The following FAR1 variants were observed in gnomAD, a reference collection of about 807,000 sequenced individuals.
FAR1 encodes the protein fatty acyl-CoA reductase 1.
Under a neutral mutation model 61.1 loss-of-function variants are expected in FAR1, and 22 were observed. The observed-to-expected ratio is 0.36, with a 90% CI of 0.26 to 0.51. The LOEUF (loss-of-function observed/expected upper bound fraction) is 0.51, where lower values mean the gene tolerates loss of function less well. Among genes scored for constraint, FAR1 ranks in the 20% least tolerant of loss-of-function variants. The probability of loss-of-function intolerance (pLI) is 0.95; values close to 1 mark genes in which losing one functional copy is unlikely to be tolerated. For missense variants in FAR1, 359 were observed against 626.9 expected, an observed-to-expected ratio of 0.57 and a Z score of 4.56; for synonymous variants, 206 against 209.7, an observed-to-expected ratio of 0.98 and a Z score of 0.15.
At position 13,729,640 on chromosome 11, in the gene FAR1, G is replaced by C. The variant is rs1243017468; in HGVS notation, c.*866G>C. ...TTTGATGGAAGTGGGAGTTGGGAAG[G>C]ATTCACCATACTTGTGTTCTCCTCC... On this transcript the variant is annotated 3_prime_UTR_variant, in exon 12 of 12. Transcript: ENST00000354817. The C allele has an allele frequency of 2.0e-5, 3 of 151,956 alleles. No homozygotes were observed. Among genetic ancestry groups the C allele is most frequent in the Non-Finnish European group, 4.4e-5 (3 of 67,858 alleles). The allele number at this position is 151,956 out of a possible 1,614,324, so 9.4% of individuals were successfully genotyped here.
chr11:13,721,628 AC>A lies in FAR1; in HGVS notation c.1128-101del. The A allele has an allele frequency of 1.3e-6, 1 of 795,544 alleles. No homozygotes were observed. Among genetic ancestry groups the A allele is most frequent in the Non-Finnish European group, 2.0e-6 (1 of 511,158 alleles). 49.3% of individuals were successfully genotyped at this position (795,544 alleles called of 1,614,324 possible). On this transcript the variant is annotated intron_variant, in intron 9 of 11. Transcript: ENST00000354817. This position sits in a 1 kb window ranked among gnomAD's most constrained non-coding sequence, Gnocchi z 4.2. ...AATGATTAAATGTTATAATTTTAAT[AC>A]TAATGTCTATATTATAGGGGGAAAC...
intron 1 of FAR1, among the ~76,000 whole-genome samples, chr11:13,691,651 T>C (rs2134177659): frequency 6.6e-6 from 1 of 152,338 alleles, no homozygotes; most frequent in South Asian, 2.1e-4. Context: ...TCTGACTTCT[T>C]TCATTTGATA....
At chr11:13,712,842 T>TAA in intron 7 of FAR1, 124 bp from the exon 8 acceptor site, 2 of 576,746 alleles carry the variant, frequency 3.5e-6, no homozygotes, top group Non-Finnish European at 5.9e-6. Context: ...TAAGGATAAT[T>TAA]AAAAAAAAAT....
At chr11:13,669,496 G>GC (rs1360982243) in intron 1 of FAR1, 2 of 152,172 alleles carry the variant, frequency 1.3e-5, no homozygotes, top group African/African-American at 4.8e-5. Context: ...GGACTAGAAG[G>GC]CATTAGTTGG....
chr11:13,708,151 CAGG>C, intron 4 of FAR1, 72 bp downstream of exon 4: 1 of 1,115,374 alleles, frequency 9.0e-7, no homozygotes, highest in Non-Finnish European at 1.2e-6. Context: ...ATCATGAGGT[CAGG>C]AGTTCAAGAG....
chr11:13,715,112 C>T lies in FAR1; in HGVS notation c.1127+432C>T, dbSNP rs74674679. Among the ~76,000 whole-genome samples, 24 of 152,038 alleles carry T rather than the reference C, an allele frequency of 1.6e-4. No individual in the cohort carries two copies. In the East Asian group the frequency reaches 3.1e-3, roughly 20 times the overall value. On this transcript the variant is annotated intron_variant, in intron 9 of 11. Coordinates refer to ENST00000354817, the MANE Select transcript of FAR1 (RefSeq NM_032228.6). ...GCCATAGAGTATCTGCATTATTGCT[C>T]GATTGCACTCATGTTGACAGGTCAG... is the stretch of plus-strand genomic sequence containing the variant.
intron 10 of FAR1, among the ~76,000 whole-genome samples, 187 bp from the exon 11 acceptor site, chr11:13,727,369 A>G (rs1203357586): frequency 6.6e-6 from 1 of 151,882 alleles, no homozygotes; most frequent in Admixed American, 6.6e-5. Flanking sequence ...TCCATGTTTA[A>G]TGGATGGTAT....
At chr11:13,714,911 TCTTA>T (rs2134194359) in intron 9 of FAR1, among the ~76,000 whole-genome samples, 1 of 152,342 alleles carries the variant, frequency 6.6e-6, no homozygotes, top group East Asian at 1.9e-4. Flanking sequence ...GAATTCTAAG[TCTTA>T]CTTTAGGCTT....
intron 3 of FAR1, among the ~76,000 whole-genome samples, chr11:13,705,454 T>C (rs901065254): frequency 6.6e-6 from 1 of 152,150 alleles, no homozygotes; most frequent in African/African-American, 2.4e-5. Context: ...AAATTATCCC[T>C]TATTTTCGGT....
At chr11:13,691,717 G>A (rs1360590288) in intron 1 of FAR1, among the ~76,000 whole-genome samples, 1 of 152,080 alleles carries the variant, frequency 6.6e-6, no homozygotes, top group African/African-American at 2.4e-5. Flanking sequence ...TCTTTTTTAT[G>A]GCTCAGTAGT....
At chr11:13,717,176 C>T (rs1198983541) in intron 9 of FAR1, among the ~76,000 whole-genome samples, 1 of 152,052 alleles carries the variant, frequency 6.6e-6, no homozygotes, top group Admixed American at 6.6e-5. Context: ...TCCCCACCAC[C>T]GCCCCAGATC....
rs1848696585 is a variant in FAR1 at position 13,729,231 on chromosome 11, C to CA, written c.*458dup. 1 of 152,028 alleles carries CA rather than the reference C, an allele frequency of 6.6e-6. No homozygotes were observed. The highest frequency in any genetic ancestry group is 2.4e-5 in the African/African-American group (1 of 41,298). 9.4% of individuals were successfully genotyped at this position (152,028 alleles called of 1,614,324 possible). A position where few individuals can be genotyped will look rare whatever the true frequency, so the allele number is the denominator to read the frequency against. Reference sequence around the variant, plus strand: ...TTGATTCTTCATTTTTTGTTTTTTTCATTAGTTGAAGTGGGTTTTAGTTTT... The same window carrying CA: ...TTGATTCTTCATTTTTTGTTTTTTTCAATTAGTTGAAGTGGGTTTTAGTTTT... On this transcript the variant is annotated 3_prime_UTR_variant, in exon 12 of 12. Coordinates refer to ENST00000354817, the MANE Select transcript of FAR1 (RefSeq NM_032228.6).
At chr11:13,694,511 T>G (rs1443996094) in intron 1 of FAR1, among the ~76,000 whole-genome samples, 1 of 152,168 alleles carries the variant, frequency 6.6e-6, no homozygotes, top group Non-Finnish European at 1.5e-5. Context: ...GAAACTCAAG[T>G]CCAGAGAACG....
intron 11 of FAR1, among the ~76,000 whole-genome samples, chr11:13,728,066 A>G (rs1591274789): frequency 1.3e-5 from 2 of 151,998 alleles, no homozygotes; most frequent in South Asian, 4.1e-4. Context: ...TTGCCGTCCT[A>G]TCTTGCACTG....
Position 13,712,967 on chromosome 11 carries a change from C to G in FAR1, c.889C>G (p.Pro297Ala). 1 of 1,612,194 alleles carries G rather than the reference C, an allele frequency of 6.2e-7. No homozygotes were observed. The highest frequency in any genetic ancestry group is 8.5e-7 in the Non-Finnish European group (1 of 1,178,746). Reference sequence around the variant, plus strand: ...TTGGTTTCATCTTTGTCTTTGCAGACCAAGAAACATCATGGTGTATAATTG... The same window carrying G: ...TTGGTTTCATCTTTGTCTTTGCAGAGCAAGAAACATCATGGTGTATAATTG... ...AAAWYSGVNR[P>A]RNIMVYNCTT... Residue 297 changes from proline (P) to alanine (A), a missense_variant and splice_region_variant, in exon 8 of 12, where the codon CCA (proline) becomes GCA (alanine). Pro to Ala is a conservative substitution (Grantham distance 27, BLOSUM62 -1). This residue lies in a region of FAR1 where 344 missense variants were observed against 570.3 expected (regional missense o/e 0.60). Coordinates refer to ENST00000354817, the MANE Select transcript of FAR1 (RefSeq NM_032228.6).
intron 1 of FAR1, among the ~76,000 whole-genome samples, chr11:13,671,157 A>T (rs942903594): frequency 9.9e-5 from 15 of 152,226 alleles, no homozygotes; most frequent in Non-Finnish European, 1.9e-4. Context: ...TAGAGAAGTA[A>T]TCTGAGTGGC....
chr11:13,686,124 C>T (rs1381115471), intron 1 of FAR1, among the ~76,000 whole-genome samples: 2 of 152,144 alleles, frequency 1.3e-5, no homozygotes, highest in African/African-American at 4.8e-5. Context: ...CCAATTTCAC[C>T]CTACCCGTAT....
intron 1 of FAR1, 125 bp from the exon 2 acceptor site, chr11:13,694,632 CTT>C (rs1267109208): frequency 1.3e-6 from 1 of 749,664 alleles, no homozygotes; most frequent in African/African-American, 1.8e-5. Context: ...AGAGTCCTCT[CTT>C]GTTAATGTTC....
intron 9 of FAR1, among the ~76,000 whole-genome samples, chr11:13,719,289 C>A (rs1848584739): frequency 6.6e-6 from 1 of 152,144 alleles, no homozygotes; most frequent in African/African-American, 2.4e-5. Flanking sequence ...TCCTTGACCT[C>A]CGGGAGCTTA....
Sources: gnomAD v4.1 joint callset for allele counts (sites outside exome capture counted in the v4.1 genomes callset) on GRCh38, gnomAD v4.1.1 for gene constraint, gnomAD v4.1.1 regional missense constraint, Gnocchi (gnomAD v3.1) non-coding constraint, MANE v1.5 for transcripts, NCBI Gene and HGNC (gene_info 2026-07-23, HGNC 2026-07-21) for gene names.